PCDHGB7: variants seen among roughly 807,000 people sequenced by gnomAD.
PCDHGB7 encodes the protein protocadherin gamma-B7.
A neutral mutation model predicts 61.4 loss-of-function variants in PCDHGB7; 37 were observed. The ratio of observed to expected loss-of-function variants is 0.60; its 90% CI spans 0.46 to 0.79. The LOEUF (loss-of-function observed/expected upper bound fraction) is 0.79. Among genes scored for constraint, PCDHGB7 ranks in the 30% least tolerant of loss-of-function variants. The pLI is 0.00. For synonymous variants in PCDHGB7, 464 were observed against 503.5 expected (o/e 0.92, Z 1.05); for missense variants, 1,166 against 1,202.5 (o/e 0.97, Z 0.45).
At chr5:141,445,751 G>A (rs1211416281) in intron 1 of PCDHGB7, among the ~76,000 whole-genome samples, 1 of 152,102 alleles carries the variant, frequency 6.6e-6, no homozygotes, top group East Asian at 1.9e-4. Context: ...AAAAATAAAA[G>A]GTGTGACTCA....
At position 141,477,862 on chromosome 5, in the gene PCDHGB7, A is replaced by AGGT. The variant is rs753168325; in HGVS notation, c.2416-16944_2416-16942dup. 2.1e-5 allele frequency: 34 copies of AGGT among 1,613,138 alleles called. No individual in the cohort carries two copies. Among genetic ancestry groups the AGGT allele is most frequent in the Non-Finnish European group, 2.5e-5 (29 of 1,179,720 alleles). ...GGAGCTCGGTGGAGATGCTGCCTCG[A>AGGT]GGTACCTCAGCTGGCCACCTAGTGT... is the stretch of plus-strand genomic sequence containing the variant. On this transcript the variant is annotated intron_variant, in intron 1 of 3. Transcript: ENST00000398594. The surrounding 1 kb of genome is among the most constrained non-coding windows in gnomAD (Gnocchi z 4.9).
intron 3 of PCDHGB7, among the ~76,000 whole-genome samples, chr5:141,509,064 C>T (rs890846779): frequency 6.6e-6 from 1 of 152,184 alleles, no homozygotes; most frequent in African/African-American, 2.4e-5. Flanking sequence ...AAGCTCTCAG[C>T]TCCGGGGATT....
intron 1 of PCDHGB7, among the ~76,000 whole-genome samples, chr5:141,445,447 A>G (rs974383838): frequency 3.4e-4 from 51 of 152,222 alleles, no homozygotes; most frequent in Admixed American, 1.3e-3. Flanking sequence ...TGGACTAAGG[A>G]TGCAGCAATG....
intron 1 of PCDHGB7, among the ~76,000 whole-genome samples, chr5:141,460,961 A>G (rs113156768): frequency 0.11 from 16,010 of 144,518 alleles, 1,385 homozygotes; most frequent in African/African-American, 0.24. Context: ...GTATATATAT[A>G]TGTGTGTGTG....
chr5:141,434,178 G>C (rs960680568), intron 1 of PCDHGB7, among the ~76,000 whole-genome samples: 1 of 152,178 alleles, frequency 6.6e-6, no homozygotes, highest in African/African-American at 2.4e-5. Flanking sequence ...TTATATCCAA[G>C]ATTTGTAATT....
rs372067603 is a variant in PCDHGB7 at position 141,418,248 on chromosome 5, C to T, written c.389C>T (p.Ala130Val). 4.3e-6 allele frequency: 7 copies of T among 1,613,882 alleles called. No individual in the cohort carries two copies. Among genetic ancestry groups the T allele is most frequent in the African/African-American group, 1.3e-5 (1 of 74,928 alleles). ...GTGATTGAGGATGTTAATGACCACG[C>T]CCCTCAATTCCGGAAAGATGAAATA... The part of the protein sequence containing the change: ...IVVIEDVNDH[A>V]PQFRKDEINL... The change falls in exon 1 of 4, where the codon GCC becomes GTC. Residue 130 changes from alanine to valine, a missense_variant. Ala to Val is a moderately conservative substitution (Grantham distance 64). Coordinates refer to ENST00000398594, the MANE Select transcript of PCDHGB7 (RefSeq NM_018927.4).
chr5:141,496,164 C>A (rs745320704), intron 2 of PCDHGB7, among the ~76,000 whole-genome samples: 1 of 152,084 alleles, frequency 6.6e-6, no homozygotes, highest in East Asian at 1.9e-4. Flanking sequence ...CCACCAGACA[C>A]CCTCCCATCC....
chr5:141,470,721 AG>A (rs948288535), intron 1 of PCDHGB7, among the ~76,000 whole-genome samples: 2 of 152,098 alleles, frequency 1.3e-5, no homozygotes, highest in African/African-American at 4.8e-5. Flanking sequence ...TTTTTGAGTC[AG>A]GGTCTTGCTC....
chr5:141,462,011 C>T (rs567038580), intron 1 of PCDHGB7, among the ~76,000 whole-genome samples: 32 of 152,182 alleles, frequency 2.1e-4, no homozygotes, highest in Admixed American at 5.9e-4. Flanking sequence ...TTAATAGAGA[C>T]GGGGTTTCTT....
chr5:141,458,698 T>C (rs1258294275), intron 1 of PCDHGB7, among the ~76,000 whole-genome samples: 1 of 152,054 alleles, frequency 6.6e-6, no homozygotes, highest in East Asian at 1.9e-4. Context: ...GCCTCCCGAG[T>C]AGCTGGGATT....
intron 2 of PCDHGB7, among the ~76,000 whole-genome samples, chr5:141,499,192 C>T (rs1048812227): frequency 1.1e-4 from 17 of 152,106 alleles, no homozygotes; most frequent in South Asian, 2.1e-4. Flanking sequence ...CCATTTCCCC[C>T]TTCTTAGGCT....
intron 1 of PCDHGB7, chr5:141,427,503 A>C (rs1317684577): frequency 6.9e-6 from 4 of 578,118 alleles, no homozygotes; most frequent in Non-Finnish European, 9.8e-6. Flanking sequence ...AACAGATGGG[A>C]CCCTGGATTG....
At chr5:141,495,255 G>A (rs1055329757) in intron 2 of PCDHGB7, among the ~76,000 whole-genome samples, 5 of 152,212 alleles carry the variant, frequency 3.3e-5, no homozygotes, top group African/African-American at 1.2e-4. Flanking sequence ...GGCTCAGGCA[G>A]AAAAGCATTT....
At chr5:141,427,774 G>A (rs760144039) in intron 1 of PCDHGB7, 1 of 1,420,908 alleles carries the variant, frequency 7.0e-7, no homozygotes, top group Non-Finnish European at 9.8e-7. Context: ...TTGGAGCTGC[G>A]GGCACTGTCG....
rs779065098 is a variant in PCDHGB7, at chr5:141,491,758, C to G, written c.2416-3049C>G. The G allele has an allele frequency of 1.9e-6, 3 of 1,578,788 alleles. No individual in the cohort carries two copies. The highest frequency in any genetic ancestry group is 1.7e-4 in the Middle Eastern group (1 of 5,954). ...TGGGGGCGGCACTGGAGAAGCCGCCCGTCCTCATAAGGGATTGAACTTGCA... is the reference window on the plus strand; with the variant it reads ...TGGGGGCGGCACTGGAGAAGCCGCCGGTCCTCATAAGGGATTGAACTTGCA... On this transcript the variant is annotated intron_variant, in intron 1 of 3. Transcript: ENST00000398594. This position sits in a 1 kb window ranked among gnomAD's most constrained non-coding sequence, Gnocchi z 6.9.
chr5:141,445,034 A>T (rs963629240), intron 1 of PCDHGB7, among the ~76,000 whole-genome samples: 4 of 152,156 alleles, frequency 2.6e-5, no homozygotes, highest in Admixed American at 2.0e-4. Context: ...GCTATGTTGT[A>T]TAGTTTTCAG....
At chr5:141,437,741 CTT>C (rs35124340) in intron 1 of PCDHGB7, among the ~76,000 whole-genome samples, 17 of 141,612 alleles carry the variant, frequency 1.2e-4, no homozygotes, top group Admixed American at 2.1e-4. Flanking sequence ...TTGAGTTCAC[CTT>C]TTTTTTTTTT....
chr5:141,503,924 G>C (rs1282755998), intron 2 of PCDHGB7, among the ~76,000 whole-genome samples: 1 of 152,146 alleles, frequency 6.6e-6, no homozygotes, highest in Non-Finnish European at 1.5e-5. Flanking sequence ...CACACACACA[G>C]ACATTTTCAT....
At chr5:141,483,242 C>T (rs2099578681) in intron 1 of PCDHGB7, among the ~76,000 whole-genome samples, 1 of 151,558 alleles carries the variant, frequency 6.6e-6, no homozygotes, top group African/African-American at 2.4e-5. Flanking sequence ...AACTGATATG[C>T]ATATATCATG....
Sources: gnomAD v4.1 joint callset for allele counts (sites outside exome capture counted in the v4.1 genomes callset) on GRCh38, gnomAD v4.1.1 for gene constraint, Gnocchi (gnomAD v3.1) non-coding constraint, MANE v1.5 for transcripts, NCBI Gene and HGNC (gene_info 2026-07-23, HGNC 2026-07-21) for gene names.